Variants in SH3TC1 observed in about 807,000 individuals in gnomAD.
SH3TC1 encodes SH3 domain and tetratricopeptide repeat-containing protein 1.
Under a neutral mutation model 117.3 loss-of-function variants are expected in SH3TC1, and 135 were observed. The ratio of observed to expected loss-of-function variants is 1.15; its 90% CI spans 1.00 to 1.33. SH3TC1 has a LOEUF of 1.33. Ranked by LOEUF, SH3TC1 falls within the 40% of genes most tolerant of loss-of-function variation. The pLI is 0.00. For missense variants in SH3TC1, 2,092 were observed against 1,794.3 expected (o/e 1.17, Z -3.00); for synonymous variants, 898 against 816.9 (o/e 1.10, Z -1.69).
chr4:8,191,255 C>A (rs1717407571), intron 1 of SH3TC1, among the ~76,000 whole-genome samples: 1 of 152,272 alleles, frequency 6.6e-6, no homozygotes, highest in African/African-American at 2.4e-5. Context: ...CAGCGATTCC[C>A]TGGGCTCCAG....
rs575331055 is a variant in SH3TC1, at chr4:8,192,164, AT to A, written c.-57+9963del. Among the ~76,000 whole-genome samples, 2 of 150,328 alleles carry A rather than the reference AT, an allele frequency of 1.3e-5. No individual in the cohort carries two copies. Among genetic ancestry groups the A allele is most frequent in the East Asian group, 2.0e-4 (1 of 5,120 alleles). ...GCCACCACACTCAGCTAATTTTTGT[AT>A]TTTTTTTTATTAGAGATGGGATTTC... On this transcript the variant is annotated intron_variant, in intron 1 of 16. Transcript: ENST00000508641. This position sits in a 1 kb window ranked among gnomAD's most constrained non-coding sequence, Gnocchi z 4.1.
chr4:8,236,026 C>G (rs530868857), intron 15 of SH3TC1: 139 of 521,426 alleles, frequency 2.7e-4, no homozygotes, highest in African/African-American at 1.6e-3. Flanking sequence ...CAGGCTCCCC[C>G]CAGTCAGACC....
At position 8,209,374 on chromosome 4, in the gene SH3TC1, G is replaced by A. The variant is rs749344807; in HGVS notation, c.173-374G>A. ...GAAGTAGAAGTGGCGGCCACAAGCC[G>A]AGGGACGTGTGCGGCCTCTTGAAGG... On this transcript the variant is annotated intron_variant, in intron 2 of 17. Transcript: ENST00000245105. This position sits in a 1 kb window ranked among gnomAD's most constrained non-coding sequence, Gnocchi z 5.9. 9.2e-5 allele frequency among the ~76,000 whole-genome samples: 14 copies of A among 152,206 alleles called. No individual in the cohort carries two copies. The highest frequency in any genetic ancestry group is 2.1e-4 in the South Asian group (1 of 4,828).
At chr4:8,218,376 T>C (rs767411858) in intron 8 of SH3TC1, 29 bp downstream of exon 8, 2 of 1,563,202 alleles carry the variant, frequency 1.3e-6, no homozygotes, top group South Asian at 2.3e-5. Flanking sequence ...CTCTCTTTTT[T>C]GGGGAAATGT....
chr4:8,189,277 T>C (rs554366639), intron 1 of SH3TC1, among the ~76,000 whole-genome samples: 1 of 152,230 alleles, frequency 6.6e-6, no homozygotes, highest in African/African-American at 2.4e-5. Flanking sequence ...GTCTCCTCGC[T>C]GGAGGAGCCC....
chr4:8,221,818 A>G (rs964639492), intron 9 of SH3TC1, among the ~76,000 whole-genome samples: 1 of 152,226 alleles, frequency 6.6e-6, no homozygotes, highest in Admixed American at 6.5e-5. Flanking sequence ...TGACAATTTC[A>G]GACCACGTGT....
chr4:8,190,970 C>A lies in SH3TC1; in HGVS notation c.-57+8760C>A, dbSNP rs923909350. On this transcript the variant is annotated intron_variant, in intron 1 of 16. Coordinates refer to the SH3TC1 transcript ENST00000508641. This position sits in a 1 kb window ranked among gnomAD's most constrained non-coding sequence, Gnocchi z 4.7. The stretch of plus-strand genomic sequence containing the variant: ...GCTCTGTGATTTTACCCTCTCCGCA[C>A]CTCTGTTCCTTGTGGTTTTAAAGGT... 3.9e-5 allele frequency among the ~76,000 whole-genome samples: 6 copies of A among 152,156 alleles called. No individual in the cohort carries two copies. The highest frequency in any genetic ancestry group is 8.8e-5 in the Non-Finnish European group (6 of 68,026).
intron 13 of SH3TC1, chr4:8,232,817 A>C (rs1721368018): frequency 7.8e-7 from 1 of 1,283,960 alleles, no homozygotes; most frequent in South Asian, 1.2e-5. Flanking sequence ...CCTCAGGTTC[A>C]CAGCAGGAAA....
rs200827532 is a variant in SH3TC1 at position 8,235,591 on chromosome 4, A to G, written c.3405+36A>G. 3.3e-4 allele frequency: 503 copies of G among 1,532,996 alleles called. 2 individuals carry two copies. The African/African-American group carries it at 5.4e-3, about 17-fold the overall frequency. The allele number at this position is 1,532,996 out of a possible 1,614,324, so 95.0% of individuals were successfully genotyped here. A position where few individuals can be genotyped will look rare whatever the true frequency, so the allele number is the denominator to read the frequency against. ...CTGTGGGCTGATGTGGGTGGGCCCCAGGGGGGGCACCTTGAGGGCTGAGGC... is the reference window on the plus strand; with the variant it reads ...CTGTGGGCTGATGTGGGTGGGCCCCGGGGGGGGCACCTTGAGGGCTGAGGC... On this transcript the variant is annotated intron_variant, in intron 15 of 17. Transcript: ENST00000245105.
chr4:8,238,879 C>T (rs1244242475), intron 17 of SH3TC1, among the ~76,000 whole-genome samples: 2 of 152,212 alleles, frequency 1.3e-5, no homozygotes, highest in African/African-American at 4.8e-5. Flanking sequence ...GGGGCACAGC[C>T]CTCTGGGCCT....
chr4:8,216,403 G>A, intron 6 of SH3TC1, 146 bp downstream of exon 6: 2 of 1,288,058 alleles, frequency 1.6e-6, no homozygotes, highest in Non-Finnish European at 2.1e-6. Flanking sequence ...CTTCAGGCAG[G>A]GAGGTGTGCT....
intron 4 of SH3TC1, 180 bp downstream of exon 4, chr4:8,213,008 T>C: frequency 5.2e-6 from 4 of 773,262 alleles, no homozygotes; most frequent in Non-Finnish European, 8.0e-6. Flanking sequence ...GAGGGCTTGT[T>C]TCTCCCACTT....
At chr4:8,216,001 C>T in intron 5 of SH3TC1, 110 bp from the exon 6 acceptor site, 3 of 1,325,058 alleles carry the variant, frequency 2.3e-6, no homozygotes, top group Non-Finnish European at 3.1e-6. Flanking sequence ...CTTCCATGGT[C>T]TCCCTGGACC....
rs1192626547 is a variant in SH3TC1 at position 8,192,039 on chromosome 4, G to C, written c.-57+9829G>C. ...GAGTCTTGCTCTGTCACCCAGGCTG[G>C]AGTGCAATGGCGCGATCTCGGCTCA... On this transcript the variant is annotated intron_variant, in intron 1 of 16. Coordinates refer to the SH3TC1 transcript ENST00000508641. The surrounding 1 kb of genome is among the most constrained non-coding windows in gnomAD (Gnocchi z 4.1). Among the ~76,000 whole-genome samples, 1 of 151,796 alleles carries C rather than the reference G, an allele frequency of 6.6e-6. No homozygotes were observed. Among genetic ancestry groups the C allele is most frequent in the Non-Finnish European group, 1.5e-5 (1 of 67,992 alleles).
Position 8,235,512 on chromosome 4 carries a change from T to G in SH3TC1, c.3362T>G (p.Phe1121Cys). 1.9e-6 allele frequency: 3 copies of G among 1,607,020 alleles called. No homozygotes were observed. The highest frequency in any genetic ancestry group is 2.6e-6 in the Non-Finnish European group (3 of 1,175,892). ...TTTGAGGCGGCTGGAGACATCTTCT[T>G]CGACGGGGCCTGGGAGCGGGAGAAA... ...ELFEAAGDIF[F>C]DGAWEREKAV... is the part of the protein sequence containing the mutation. The change falls in exon 15 of 18, where the codon TTC becomes TGC. Residue 1121 changes from phenylalanine (F) to cysteine (C), a missense_variant. Phe to Cys is a radical substitution (Grantham distance 205). Transcript: ENST00000245105.
At position 8,240,984 on chromosome 4, in the gene SH3TC1, G is replaced by A. The variant is rs752689092; in HGVS notation, c.*29G>A. The A allele has an allele frequency of 1.4e-5, 23 of 1,599,696 alleles. No homozygotes were observed. Among genetic ancestry groups the A allele is most frequent in the Non-Finnish European group, 1.9e-5 (22 of 1,176,312 alleles). On this transcript the variant is annotated 3_prime_UTR_variant, in exon 18 of 18. Transcript: ENST00000245105. ...CAGCATCCAAGGGAGTGGGTTTTGT[G>A]CAAGGGCTGGGGGTCTCCTGCCTCT...
chr4:8,207,959 C>T (rs367560115), intron 2 of SH3TC1, among the ~76,000 whole-genome samples: 15 of 152,204 alleles, frequency 9.9e-5, no homozygotes, highest in Admixed American at 6.5e-5. Context: ...CCAGAGCCAG[C>T]GACCATGACA....
intron 14 of SH3TC1, 133 bp downstream of exon 14, chr4:8,233,646 C>T: frequency 2.7e-6 from 3 of 1,099,748 alleles, no homozygotes; most frequent in Middle Eastern, 3.2e-4. Context: ...TTCCATCCAT[C>T]CATCCTTCCA....
At chr4:8,219,282 C>T in intron 8 of SH3TC1, 53 bp from the exon 9 acceptor site, 1 of 1,497,450 alleles carries the variant, frequency 6.7e-7, no homozygotes, top group South Asian at 1.3e-5. Context: ...TGTCTGCCCG[C>T]TCTGGCCCCC....
Sources: allele counts gnomAD v4.1 joint callset (sites outside exome capture counted in the v4.1 genomes callset), GRCh38; gene constraint gnomAD v4.1.1; non-coding constraint Gnocchi (gnomAD v3.1); transcripts MANE v1.5; gene names NCBI Gene and HGNC (gene_info 2026-07-23, HGNC 2026-07-21).